ANKRD44: variants seen among roughly 807,000 people sequenced by gnomAD.
The protein encoded by ANKRD44 is ankyrin repeat domain 44.
Under a neutral mutation model 116.0 loss-of-function variants are expected in ANKRD44, and 35 were observed. That is an observed-to-expected ratio of 0.30 (90% CI 0.23 to 0.40). ANKRD44 has a LOEUF of 0.40. Among genes scored for constraint, ANKRD44 ranks in the 10% least tolerant of loss-of-function variants. The pLI, the probability that ANKRD44 is intolerant of heterozygous loss-of-function variation, is 1.00. For missense variants in ANKRD44, 1,014 were observed against 1,242.6 expected (o/e 0.82, Z 2.77); for synonymous variants, 435 against 461.8 (o/e 0.94, Z 0.74).
intron 17 of ANKRD44, among the ~76,000 whole-genome samples, chr2:197,019,784 A>T (rs2076461262): frequency 6.6e-6 from 1 of 151,030 alleles, no homozygotes; most frequent in Non-Finnish European, 1.5e-5. Context: ...GGAATAGGCG[A>T]TTTCTTTTTT....
At chr2:196,981,835 A>G (rs999149299), downstream of ANKRD44, among the ~76,000 whole-genome samples, 11 of 151,868 alleles carry the variant, frequency 7.2e-5, no homozygotes, top group African/African-American at 2.4e-4. Flanking sequence ...TGCCAAATCC[A>G]TTGGTCAACT....
chr2:197,277,963 G>C (rs2105812962), intron 1 of ANKRD44, among the ~76,000 whole-genome samples: 1 of 152,294 alleles, frequency 6.6e-6, no homozygotes, highest in East Asian at 1.9e-4. Context: ...ACAGCAAAAT[G>C]AGAGGAGGCT....
intron 1 of ANKRD44, among the ~76,000 whole-genome samples, chr2:197,300,032 C>T: frequency 6.6e-6 from 1 of 152,126 alleles, no homozygotes. Flanking sequence ...GCCCATAAGG[C>T]AACACCTTAC....
intron 1 of ANKRD44, among the ~76,000 whole-genome samples, chr2:197,200,671 C>T (rs2081073392): frequency 6.6e-6 from 1 of 152,190 alleles, no homozygotes; most frequent in African/African-American, 2.4e-5. Flanking sequence ...ACATACAACG[C>T]TTGCTGTGCC....
intron 1 of ANKRD44, among the ~76,000 whole-genome samples, chr2:197,289,145 T>C (rs1559223092): frequency 6.6e-6 from 1 of 152,214 alleles, no homozygotes; most frequent in African/African-American, 2.4e-5. Context: ...ATCCTATGTA[T>C]GTCTCACTCA....
chr2:197,023,510 C>T (rs933665417), intron 17 of ANKRD44, among the ~76,000 whole-genome samples: 4 of 152,010 alleles, frequency 2.6e-5, no homozygotes, highest in Non-Finnish European at 4.4e-5. Context: ...CCTATCTTTA[C>T]GCAGCCAGCA....
intron 16 of ANKRD44, among the ~76,000 whole-genome samples, chr2:197,030,905 G>A (rs890840255): frequency 3.9e-5 from 6 of 151,922 alleles, no homozygotes; most frequent in Non-Finnish European, 7.4e-5. Flanking sequence ...TCAAACTCTA[G>A]GCTCAAGCAG....
chr2:197,165,922 A>G (rs1026625151), intron 2 of ANKRD44, among the ~76,000 whole-genome samples: 1 of 152,220 alleles, frequency 6.6e-6, no homozygotes, highest in East Asian at 1.9e-4. Flanking sequence ...TACAATGAAC[A>G]TAGAGATTCC....
chr2:197,204,294 T>C (rs1444009000), intron 1 of ANKRD44, among the ~76,000 whole-genome samples: 2 of 152,172 alleles, frequency 1.3e-5, no homozygotes, highest in Non-Finnish European at 2.9e-5. Flanking sequence ...ATAAAAATGC[T>C]AAACAGGGTT....
At chr2:197,026,770 T>C (rs967804439) in intron 16 of ANKRD44, among the ~76,000 whole-genome samples, 1 of 152,000 alleles carries the variant, frequency 6.6e-6, no homozygotes, top group African/African-American at 2.4e-5. Context: ...GCTGGGGCAA[T>C]AGTCCAAGAG....
intron 9 of ANKRD44, among the ~76,000 whole-genome samples, chr2:197,104,437 G>C (rs2078377715): frequency 4.6e-5 from 7 of 152,116 alleles, no homozygotes. Context: ...ATTTTTAAAA[G>C]TAGGACTATT....
chr2:197,310,639 C>T lies in ANKRD44; in HGVS notation c.-35G>A. On this transcript the variant is annotated 5_prime_UTR_variant, in exon 1 of 28. Coordinates refer to ENST00000282272, the MANE Select transcript of ANKRD44 (RefSeq NM_001195144.2). ...CCTTCGCGCGCACACACATGCAGGT[C>T]CCCGGCCCGCAGATGTCACGCCGGG... 6.0e-6 allele frequency: 8 copies of T among 1,335,142 alleles called. No individual in the cohort carries two copies. The highest frequency in any genetic ancestry group is 3.8e-5 in the East Asian group (1 of 26,162). 82.7% of individuals were successfully genotyped at this position (1,335,142 alleles called of 1,614,324 possible). A position where few individuals can be genotyped will look rare whatever the true frequency, so the allele number is the denominator to read the frequency against.
At chr2:197,206,418 T>A (rs1382847915) in intron 1 of ANKRD44, among the ~76,000 whole-genome samples, 1 of 152,240 alleles carries the variant, frequency 6.6e-6, no homozygotes, top group Non-Finnish European at 1.5e-5. Context: ...GCGTAGTGGC[T>A]CGTGCCTGTA....
At position 197,175,714 on chromosome 2, in the gene ANKRD44, T is replaced by G. The variant is rs146667316; in HGVS notation, c.111+11309A>C. On this transcript the variant is annotated intron_variant, in intron 2 of 27. Coordinates refer to ENST00000282272, the MANE Select transcript of ANKRD44 (RefSeq NM_001195144.2). The stretch of plus-strand genomic sequence containing the variant: ...AAAGTACACAATGAAGTATTCAGGG[T>G]GTCAGCTCTAGTGCTACATCTGTAA... 1.4e-4 allele frequency among the ~76,000 whole-genome samples: 21 copies of G among 152,318 alleles called. No individual in the cohort carries two copies. In the East Asian group the frequency reaches 4.0e-3, roughly 29 times the overall value.
intron 16 of ANKRD44, among the ~76,000 whole-genome samples, chr2:197,046,089 T>C (rs1016833605): frequency 1.3e-5 from 2 of 152,222 alleles, no homozygotes; most frequent in Non-Finnish European, 2.9e-5. Flanking sequence ...CTACTAAATA[T>C]TCTTTTGCAA....
At chr2:197,189,828 T>TA (rs545679335) in intron 1 of ANKRD44, among the ~76,000 whole-genome samples, 42 of 152,312 alleles carry the variant, frequency 2.8e-4, no homozygotes, top group Admixed American at 7.2e-4. Context: ...CACCACTACT[T>TA]AGTCACTTTA....
intron 8 of ANKRD44, among the ~76,000 whole-genome samples, chr2:197,115,102 A>G (rs1342841632): frequency 6.6e-6 from 1 of 152,100 alleles, no homozygotes; most frequent in African/African-American, 2.4e-5. Context: ...ACATGTTTCA[A>G]CTCCCATCTC....
At chr2:196,978,512 G>C (rs1320117950) in intron 21 of ANKRD44, among the ~76,000 whole-genome samples, 1 of 152,186 alleles carries the variant, frequency 6.6e-6, no homozygotes, top group East Asian at 1.9e-4. Context: ...CAGTCACAAA[G>C]AGCCACATAG....
chr2:197,291,015 C>T (rs896082306), intron 1 of ANKRD44, among the ~76,000 whole-genome samples: 4 of 151,730 alleles, frequency 2.6e-5, no homozygotes, highest in Admixed American at 6.6e-5. Context: ...TTCAGACTAG[C>T]GTGGGCAACA....
Sources: gnomAD v4.1 joint callset for allele counts (sites outside exome capture counted in the v4.1 genomes callset) on GRCh38, gnomAD v4.1.1 for gene constraint, MANE v1.5 for transcripts, NCBI Gene and HGNC (gene_info 2026-07-23, HGNC 2026-07-21) for gene names.